TECPR2: variants seen among roughly 807,000 people sequenced by gnomAD.
TECPR2 encodes the protein tectonin beta-propeller repeat containing 2, also known as tectonin beta-propeller repeat-containing protein 2.
In TECPR2, 65 loss-of-function variants were observed where a neutral mutation model predicts 138.1. That is an observed-to-expected ratio of 0.47 (90% CI 0.39 to 0.58). The LOEUF (loss-of-function observed/expected upper bound fraction) is 0.58, where lower values mean the gene tolerates loss of function less well. TECPR2 is among the 20% of genes least tolerant of loss of function. TECPR2 has a pLI of 0.00. For missense variants in TECPR2, 1,553 were observed against 1,824.5 expected (o/e 0.85, Z 2.71); for synonymous variants, 746 against 749.8 (o/e 0.99, Z 0.08).
intron 17 of TECPR2, among the ~76,000 whole-genome samples, chr14:102,495,433 T>C (rs1203969714): frequency 6.6e-6 from 1 of 152,144 alleles, no homozygotes; most frequent in African/African-American, 2.4e-5. Context: ...TCCATGGACC[T>C]GGGATTCAGA....
At chr14:102,493,654 C>T (rs1738240229) in intron 17 of TECPR2, among the ~76,000 whole-genome samples, 1 of 152,312 alleles carries the variant, frequency 6.6e-6, no homozygotes, top group Admixed American at 6.5e-5. Flanking sequence ...TGAGTGCGCT[C>T]CAGGTGGTCC....
At position 102,496,926 on chromosome 14, in the gene TECPR2, T is replaced by G. The variant is rs1053465373; in HGVS notation, c.3790-53T>G. Reference sequence around the variant, plus strand: ...CCCCAGTTCCGGAAGTCTCCTGTCCTTTCTCTTGTCACCCAACTCCTGCCT... The same window carrying G: ...CCCCAGTTCCGGAAGTCTCCTGTCCGTTCTCTTGTCACCCAACTCCTGCCT... On this transcript the variant is annotated intron_variant, in intron 17 of 19. Transcript: ENST00000359520. 4 of 1,599,342 alleles carry G rather than the reference T, an allele frequency of 2.5e-6. No individual in the cohort carries two copies. In the South Asian group the frequency reaches 3.4e-5, roughly 14 times the overall value.
chr14:102,457,869 CTTT>C (rs748372168), intron 16 of TECPR2, among the ~76,000 whole-genome samples: 1 of 102,768 alleles, frequency 9.7e-6, no homozygotes, highest in Non-Finnish European at 1.9e-5. Flanking sequence ...ACTAAATTCC[CTTT>C]TTTTTTTTTT....
chr14:102,461,087 A>T (rs1595138084), intron 16 of TECPR2, among the ~76,000 whole-genome samples: 1 of 152,174 alleles, frequency 6.6e-6, no homozygotes, highest in East Asian at 1.9e-4. Flanking sequence ...AATTAAAGGA[A>T]TTCTTAAATT....
intron 2 of TECPR2, among the ~76,000 whole-genome samples, chr14:102,400,442 G>A (rs891122453): frequency 6.6e-6 from 1 of 152,188 alleles, no homozygotes; most frequent in East Asian, 1.9e-4. Context: ...GGGGCACACA[G>A]TTTATAAAGG....
At chr14:102,441,774 G>A (rs920159473) in intron 11 of TECPR2, among the ~76,000 whole-genome samples, 2 of 152,182 alleles carry the variant, frequency 1.3e-5, no homozygotes, top group African/African-American at 2.4e-5. Flanking sequence ...GAAGGGCACA[G>A]TGGGACTTGC....
intron 6 of TECPR2, among the ~76,000 whole-genome samples, chr14:102,426,073 G>C (rs1889313144): frequency 6.6e-6 from 1 of 151,746 alleles, no homozygotes. Context: ...TTTTAGTAGA[G>C]ACAGGGTTTC....
intron 17 of TECPR2, among the ~76,000 whole-genome samples, chr14:102,475,671 CA>C (rs1890742461): frequency 6.6e-6 from 1 of 152,012 alleles, no homozygotes; most frequent in Non-Finnish European, 1.5e-5. Context: ...TTACAGATTG[CA>C]AAAATATCCA....
In TECPR2 at chr14:102,376,023, T is replaced by C. The variant is rs929986747; in HGVS notation, c.-72-627T>C. Reference sequence around the variant, plus strand: ...CAAAGTGCAAGTGGGTGGGTCTCCATGTGGAACAGAGTAAGGTGCTGTGTG... The same window carrying C: ...CAAAGTGCAAGTGGGTGGGTCTCCACGTGGAACAGAGTAAGGTGCTGTGTG... On this transcript the variant is annotated intron_variant, in intron 1 of 19. Transcript: ENST00000359520. Among the ~76,000 whole-genome samples, 18 of 152,306 alleles carry C rather than the reference T, an allele frequency of 1.2e-4. 1 individual carries two copies. The highest frequency in any genetic ancestry group is 1.8e-4 in the Non-Finnish European group (12 of 68,008).
chr14:102,402,824 A>G (rs1028435756), intron 2 of TECPR2, among the ~76,000 whole-genome samples: 1 of 152,206 alleles, frequency 6.6e-6, no homozygotes, highest in South Asian at 2.1e-4. Flanking sequence ...CACAAAACCT[A>G]CTGAGACTAA....
intron 5 of TECPR2, among the ~76,000 whole-genome samples, chr14:102,418,855 G>A (rs1889098932): frequency 6.6e-6 from 1 of 152,200 alleles, no homozygotes; most frequent in Non-Finnish European, 1.5e-5. Flanking sequence ...TGAGGTGTGA[G>A]AGGGATGAGT....
intron 2 of TECPR2, among the ~76,000 whole-genome samples, chr14:102,379,407 A>G (rs1247210672): frequency 6.6e-6 from 1 of 151,646 alleles, no homozygotes; most frequent in African/African-American, 2.4e-5. Context: ...CAGTCTTAAA[A>G]TCCATGCACA....
intron 9 of TECPR2, chr14:102,437,282 C>CA (rs1162042420): frequency 1.2e-5 from 10 of 838,380 alleles, no homozygotes; most frequent in Non-Finnish European, 1.4e-5. Context: ...CACAGTGGCT[C>CA]ACGCCTGTAA....
intron 1 of TECPR2, among the ~76,000 whole-genome samples, chr14:102,369,722 A>C (rs1887445622): frequency 6.6e-6 from 1 of 152,122 alleles, no homozygotes; most frequent in East Asian, 1.9e-4. Flanking sequence ...CGGGTGGATC[A>C]CAAGATCAGG....
chr14:102,410,288 T>TG lies in TECPR2; in HGVS notation c.480+1669_480+1670insG. On this transcript the variant is annotated intron_variant, in intron 4 of 19. Coordinates refer to ENST00000359520, the MANE Select transcript of TECPR2 (RefSeq NM_014844.5). ...GGCTTAATAGAAGATGGCTGGATTC[T>TG]CCCTAATCTCAAGTAATCAGGGACA... Among the ~76,000 whole-genome samples, 88 of 151,478 alleles carry TG rather than the reference T, an allele frequency of 5.8e-4. 1 individual carries two copies. Among genetic ancestry groups the TG allele is most frequent in the African/African-American group, 2.0e-3 (84 of 41,218 alleles).
chr14:102,391,387 C>T (rs560157502), intron 2 of TECPR2, among the ~76,000 whole-genome samples: 38 of 151,996 alleles, frequency 2.5e-4, no homozygotes, highest in Non-Finnish European at 4.0e-4. Context: ...AAGATATACA[C>T]GCATGTGGTA....
chr14:102,493,864 G>A (rs967056613), intron 17 of TECPR2, among the ~76,000 whole-genome samples: 1 of 152,206 alleles, frequency 6.6e-6, no homozygotes. Flanking sequence ...TTCCAATGCC[G>A]CTCTGCTTTA....
chr14:102,443,770 G>T lies in TECPR2; in HGVS notation c.2876G>T (p.Arg959Leu). The stretch of plus-strand genomic sequence containing the variant: ...ACAGAGCAGAGGGCCCTCCTGTACC[G>T]GGAGGGCGTGAGCAGCTTCTGTCCG... Reference protein sequence around the residue: ...ALTEQRALLYREGVSSFCPEG... With the variant: ...ALTEQRALLYLEGVSSFCPEG... Residue 959 changes from arginine (R) to leucine (L), a missense_variant, in exon 12 of 20, where the codon CGG becomes CTG. Coordinates refer to ENST00000359520, the MANE Select transcript of TECPR2 (RefSeq NM_014844.5). This position sits in a 1 kb window ranked among gnomAD's most constrained non-coding sequence, Gnocchi z 4.9. 6.2e-7 allele frequency: 1 copy of T among 1,608,900 alleles called. No homozygotes were observed. The highest frequency in any genetic ancestry group is 8.5e-7 in the Non-Finnish European group (1 of 1,176,400).
intron 2 of TECPR2, among the ~76,000 whole-genome samples, chr14:102,406,798 G>A (rs150264251): frequency 0.014 from 2,080 of 152,306 alleles, 21 homozygotes; most frequent in South Asian, 0.022. Context: ...AGGCTGCAGT[G>A]AACTGTGATT....
Sources: gnomAD v4.1 joint callset for allele counts (sites outside exome capture counted in the v4.1 genomes callset) on GRCh38, gnomAD v4.1.1 for gene constraint, Gnocchi (gnomAD v3.1) non-coding constraint, MANE v1.5 for transcripts, NCBI Gene and HGNC (gene_info 2026-07-23, HGNC 2026-07-21) for gene names.